MATCAP2: variants seen among roughly 807,000 people sequenced by gnomAD.
MATCAP2 encodes the protein putative tyrosine carboxypeptidase MATCAP2.
the MATCAP2 span, chr7:36,334,934 C>T: frequency 7.0e-5 from 69 of 990,806 alleles, no homozygotes; most frequent in African/African-American, 1.1e-3. Flanking sequence ...AAATTTTCTT[C>T]TACTAAGAAA....
chr7:36,350,526 G>A, the MATCAP2 span, among the ~76,000 whole-genome samples: 2 of 115,950 alleles, frequency 1.7e-5, no homozygotes, highest in Admixed American at 2.2e-4. Flanking sequence ...TGGACGGACT[G>A]TGTTCCTTTT....
the MATCAP2 span, among the ~76,000 whole-genome samples, chr7:36,373,102 C>T: frequency 2.3e-5 from 1 of 43,458 alleles, no homozygotes; most frequent in Non-Finnish European, 4.7e-5. Flanking sequence ...AAGACTTCAT[C>T]TAAAAAAAAA....
chr7:36,341,429 C>A, the MATCAP2 span, among the ~76,000 whole-genome samples: 1 of 152,194 alleles, frequency 6.6e-6, no homozygotes, highest in Non-Finnish European at 1.5e-5. Flanking sequence ...TGTAATACAT[C>A]ATGGGAAATG....
the MATCAP2 span, among the ~76,000 whole-genome samples, chr7:36,347,602 C>A: frequency 6.6e-6 from 1 of 152,130 alleles, no homozygotes; most frequent in Non-Finnish European, 1.5e-5. Flanking sequence ...CCTATTTACC[C>A]CACAGAGTTG....
the MATCAP2 span, chr7:36,335,155 G>A: frequency 1.9e-6 from 3 of 1,613,798 alleles, no homozygotes; most frequent in Non-Finnish European, 2.5e-6. Flanking sequence ...GGGAAAGCAG[G>A]TCCTCAGTGA....
At chr7:36,360,559 T>G in the MATCAP2 span, among the ~76,000 whole-genome samples, 3,115 of 152,298 alleles carry the variant, frequency 0.02, 51 homozygotes, top group Middle Eastern at 0.051. Flanking sequence ...GGATAGCCCA[T>G]GAAGTTCATA....
the MATCAP2 span, among the ~76,000 whole-genome samples, chr7:36,365,677 C>T: frequency 2.0e-5 from 3 of 152,136 alleles, no homozygotes; most frequent in Admixed American, 6.5e-5. Context: ...CCACCCTGGG[C>T]GACAGAGCGA....
At chr7:36,389,881 G>T in the MATCAP2 span, 1 of 1,434,836 alleles carries the variant, frequency 7.0e-7, no homozygotes, top group Non-Finnish European at 9.7e-7. Context: ...ACTGGAAGCC[G>T]AGAGGAGAGG....
chr7:36,375,111 C>A, the MATCAP2 span, among the ~76,000 whole-genome samples: 5 of 152,158 alleles, frequency 3.3e-5, no homozygotes, highest in Non-Finnish European at 7.4e-5. Flanking sequence ...TGAGGAATCG[C>A]CACACTGTCT....
chr7:36,332,699 G>A, the MATCAP2 span, among the ~76,000 whole-genome samples: 228 of 152,262 alleles, frequency 1.5e-3, no homozygotes, highest in African/African-American at 4.4e-3. Flanking sequence ...AGGCCGAGGC[G>A]GTTGGATCAC....
the MATCAP2 span, chr7:36,355,050 C>T: frequency 6.6e-6 from 1 of 152,140 alleles, no homozygotes; most frequent in Non-Finnish European, 1.5e-5. Context: ...TAAATCTCAG[C>T]CATCTCTTTC....
At chr7:36,370,773 G>A in the MATCAP2 span, among the ~76,000 whole-genome samples, 50 of 152,284 alleles carry the variant, frequency 3.3e-4, no homozygotes, top group African/African-American at 1.1e-3. Context: ...GAGCCACCAC[G>A]CCTCGCCATT....
At chr7:36,359,064 A>G in the MATCAP2 span, among the ~76,000 whole-genome samples, 1 of 152,232 alleles carries the variant, frequency 6.6e-6, no homozygotes, top group South Asian at 2.1e-4. Context: ...GACCCTAAAC[A>G]TGCAATTCTG....
At chr7:36,349,236 G>A in the MATCAP2 span, among the ~76,000 whole-genome samples, 1 of 152,210 alleles carries the variant, frequency 6.6e-6, no homozygotes, top group Non-Finnish European at 1.5e-5. Context: ...GTGGAGAGCA[G>A]GGGAGAGACA....
At chr7:36,360,458 C>T in the MATCAP2 span, among the ~76,000 whole-genome samples, 1 of 152,148 alleles carries the variant, frequency 6.6e-6, no homozygotes, top group African/African-American at 2.4e-5. Context: ...AAGCTTAGCA[C>T]GAGTCCTTTT....
At chr7:36,366,952 G>C in the MATCAP2 span, 10 of 1,355,526 alleles carry the variant, frequency 7.4e-6, no homozygotes, top group African/African-American at 1.5e-4. Context: ...GTCGCCCCGA[G>C]GCCCGGGGCG....
At chr7:36,369,496 G>A in the MATCAP2 span, among the ~76,000 whole-genome samples, 1 of 152,180 alleles carries the variant, frequency 6.6e-6, no homozygotes, top group Non-Finnish European at 1.5e-5. Context: ...CACAGTCACT[G>A]CAGTTTAAGA....
chr7:36,336,332 C>T, the MATCAP2 span: 218 of 1,397,352 alleles, frequency 1.6e-4, no homozygotes, highest in Non-Finnish European at 2.0e-4. Flanking sequence ...AAGTAAACAG[C>T]CTCATATTAC....
At chr7:36,346,498 TATA>T in the MATCAP2 span, among the ~76,000 whole-genome samples, 7 of 152,180 alleles carry the variant, frequency 4.6e-5, no homozygotes, top group African/African-American at 1.7e-4. Flanking sequence ...TTGAAAACAT[TATA>T]ATAAGTGACA....
Sources: gnomAD v4.1 joint callset for allele counts (sites outside exome capture counted in the v4.1 genomes callset) on GRCh38, gnomAD v4.1.1 for gene constraint, MANE v1.5 for transcripts, NCBI Gene and HGNC (gene_info 2026-07-23, HGNC 2026-07-21) for gene names.